The following PAQR8 variants were observed in gnomAD, a reference collection of about 807,000 sequenced individuals.
The protein encoded by PAQR8 is progestin and adipoQ receptor family member 8.
PAQR8 carries 17 observed loss-of-function variants against 25.2 expected under a neutral mutation model. The ratio of observed to expected loss-of-function variants is 0.67; its 90% CI spans 0.46 to 1.01. PAQR8 has a LOEUF of 1.01. Ranked by LOEUF, PAQR8 falls within the 50% of genes least tolerant of loss-of-function variation. The probability of loss-of-function intolerance (pLI) is 0.00; values close to 1 mark genes in which losing one functional copy is unlikely to be tolerated. For synonymous variants in PAQR8, 204 were observed against 190.6 expected, an observed-to-expected ratio of 1.07 and a Z score of -0.58; for missense variants, 392 against 448.4, an observed-to-expected ratio of 0.87 and a Z score of 1.14.
Position 52,404,105 on chromosome 6 carries a change from G to T in PAQR8, c.892G>T (p.Glu298Ter). 1 of 1,614,216 alleles carries T rather than the reference G, an allele frequency of 6.2e-7. No individual in the cohort carries two copies. The highest frequency in any genetic ancestry group is 8.5e-7 in the Non-Finnish European group (1 of 1,180,042). The stretch of plus-strand genomic sequence containing the variant: ...GTCCATCTGTACGCTCTCCCAGCTG[G>T]AGGCCATCCTCCTGGACTACCAGGG... ...FLSICTLSQL[E>*]AILLDYQGRQ... is the part of the protein sequence containing the mutation. The change falls in exon 2 of 2, where the codon GAG (glutamate) becomes TAG (stop). Residue 298 changes from glutamate (E) to a stop codon, truncating the protein, a stop_gained. Coordinates refer to ENST00000442253, the MANE Select transcript of PAQR8 (RefSeq NM_133367.5). LOFTEE classifies it high-confidence loss of function.
At chr6:52,364,083 G>GTTTTGTTTT (rs764044236) in intron 1 of PAQR8, among the ~76,000 whole-genome samples, 2 of 84,266 alleles carry the variant, frequency 2.4e-5, no homozygotes. Context: ...TGAAAGATAT[G>GTTTTGTTTT]TTTTTTTTTT....
At chr6:52,385,366 T>C (rs1162832132) in intron 1 of PAQR8, among the ~76,000 whole-genome samples, 1 of 152,330 alleles carries the variant, frequency 6.6e-6, no homozygotes, top group African/African-American at 2.4e-5. Flanking sequence ...CTCTTTACTT[T>C]ATAAATTACC....
chr6:52,378,456 C>G (rs777503451), intron 1 of PAQR8, among the ~76,000 whole-genome samples: 9 of 152,192 alleles, frequency 5.9e-5, no homozygotes, highest in Non-Finnish European at 1.2e-4. Context: ...ATACCCCATT[C>G]CAGATATAAC....
intron 1 of PAQR8, among the ~76,000 whole-genome samples, chr6:52,370,139 A>G (rs1049057950): frequency 1.3e-5 from 2 of 152,010 alleles, no homozygotes; most frequent in Non-Finnish European, 2.9e-5. Flanking sequence ...TATCTCTGGA[A>G]CTATTGCCAC....
intron 1 of PAQR8, among the ~76,000 whole-genome samples, chr6:52,367,569 G>T (rs1166348688): frequency 6.6e-6 from 1 of 152,194 alleles, no homozygotes; most frequent in African/African-American, 2.4e-5. Context: ...AAGAATTCAG[G>T]TTTCTTGTTT....
rs1333960039 is a variant in PAQR8 at position 52,407,325 on chromosome 6, C to T, written c.*3047C>T. 3.0e-5 allele frequency: 5 copies of T among 167,066 alleles called. No homozygotes were observed. Among genetic ancestry groups the T allele is most frequent in the African/African-American group, 9.7e-5 (4 of 41,440 alleles). The allele number at this position is 167,066 out of a possible 1,614,324, so 10.3% of individuals were successfully genotyped here. ...CCTGCTTCTCTCTTGCCTAATTCTTCCTGACCTGTATTTACTGATGCTTAA... is the reference window on the plus strand; with the variant it reads ...CCTGCTTCTCTCTTGCCTAATTCTTTCTGACCTGTATTTACTGATGCTTAA... On this transcript the variant is annotated 3_prime_UTR_variant, in exon 2 of 2. Coordinates refer to ENST00000442253, the MANE Select transcript of PAQR8 (RefSeq NM_133367.5).
chr6:52,396,968 G>A (rs942950892), intron 1 of PAQR8, among the ~76,000 whole-genome samples: 2 of 152,166 alleles, frequency 1.3e-5, no homozygotes, highest in African/African-American at 4.8e-5. Context: ...AAGGGCCTGG[G>A]AGAAGTACCT....
At chr6:52,379,076 G>A (rs1199497326) in intron 1 of PAQR8, among the ~76,000 whole-genome samples, 1 of 121,226 alleles carries the variant, frequency 8.2e-6, no homozygotes, top group Non-Finnish European at 1.6e-5. Flanking sequence ...CAGCCTGAGT[G>A]ACAAAGCAAT....
Position 52,362,884 on chromosome 6 carries a change from G to A in PAQR8, c.-53+635G>A, listed in dbSNP as rs1029030541. On this transcript the variant is annotated intron_variant, in intron 1 of 1. Coordinates refer to ENST00000442253, the MANE Select transcript of PAQR8 (RefSeq NM_133367.5). This position sits in a 1 kb window ranked among gnomAD's most constrained non-coding sequence, Gnocchi z 4.1. The stretch of plus-strand genomic sequence containing the variant: ...GGAAAGATGGAGGGGGCTTCTCTGA[G>A]AGGGTGGGCGCGAGGAGCGGAGTTG... Among the ~76,000 whole-genome samples the A allele has an allele frequency of 6.6e-6, 1 of 152,172 alleles. No individual in the cohort carries two copies. The highest frequency in any genetic ancestry group is 2.4e-5 in the African/African-American group (1 of 41,436).
chr6:52,382,289 G>T (rs1763570471), intron 1 of PAQR8, among the ~76,000 whole-genome samples: 1 of 152,208 alleles, frequency 6.6e-6, no homozygotes, highest in African/African-American at 2.4e-5. Flanking sequence ...GACAGATAAG[G>T]TTTTCTGACA....
chr6:52,366,774 A>G (rs1349823155), intron 1 of PAQR8, among the ~76,000 whole-genome samples: 4 of 151,584 alleles, frequency 2.6e-5, no homozygotes, highest in African/African-American at 9.7e-5. Context: ...TTTTGAGATG[A>G]AGTCTCCCTC....
intron 1 of PAQR8, among the ~76,000 whole-genome samples, chr6:52,366,203 G>A (rs1763349973): frequency 6.6e-6 from 1 of 151,994 alleles, no homozygotes; most frequent in African/African-American, 2.4e-5. Context: ...AGATGGGAAA[G>A]TTTCATCTTA....
At chr6:52,375,271 C>A (rs546312382) in intron 1 of PAQR8, among the ~76,000 whole-genome samples, 1 of 152,216 alleles carries the variant, frequency 6.6e-6, no homozygotes, top group South Asian at 2.1e-4. Flanking sequence ...TGCTGCTCAA[C>A]ACGTGATTTC....
chr6:52,406,406 C>T lies in PAQR8; in HGVS notation c.*2128C>T, dbSNP rs4715300. The T allele has an allele frequency of 0.086, 35,395 of 412,752 alleles. 2,816 individuals carry two copies. The highest frequency in any genetic ancestry group is 0.27 in the Admixed American group (6,131 of 22,698). 25.6% of individuals were successfully genotyped at this position (412,752 alleles called of 1,614,324 possible). On this transcript the variant is annotated 3_prime_UTR_variant, in exon 2 of 2. Transcript: ENST00000442253. ...CCACGTATTTTTTAAAAGAGAGAAC[C>T]GGAGGTAGAGCAATGATCAGATGGG...
intron 1 of PAQR8, among the ~76,000 whole-genome samples, chr6:52,381,979 C>T (rs1458421144): frequency 6.6e-6 from 1 of 152,070 alleles, no homozygotes; most frequent in East Asian, 1.9e-4. Flanking sequence ...ATAATGATAG[C>T]AGTACTTGGT....
intron 1 of PAQR8, among the ~76,000 whole-genome samples, chr6:52,387,428 C>T (rs905450572): frequency 2.6e-5 from 4 of 152,240 alleles, no homozygotes; most frequent in African/African-American, 9.6e-5. Context: ...TGGTTTAGGG[C>T]TTTGAATAGG....
At chr6:52,367,509 CTG>C (rs1763367585) in intron 1 of PAQR8, among the ~76,000 whole-genome samples, 2 of 152,060 alleles carry the variant, frequency 1.3e-5, no homozygotes, top group Non-Finnish European at 1.5e-5. Flanking sequence ...AATCCAAAGA[CTG>C]TGCTTTAAAC....
chr6:52,403,774 C>G lies in PAQR8; in HGVS notation c.561C>G (p.Gly187=). The G allele has an allele frequency of 6.2e-7, 1 of 1,614,246 alleles. No individual in the cohort carries two copies. Among genetic ancestry groups the G allele is most frequent in the Non-Finnish European group, 8.5e-7 (1 of 1,180,038 alleles). ...TCTTGCCAGCAGCTGCCTTCTGTGG[C>G]TGGTTATCTTGTGCTGGCTGTTGCT... ...LFFLPAAAFC[G]WLSCAGCCYA... The change falls in exon 2 of 2, where the codon GGC becomes GGG. Residue 187 remains glycine, a synonymous_variant. Coordinates refer to ENST00000442253, the MANE Select transcript of PAQR8 (RefSeq NM_133367.5).
At chr6:52,382,072 GA>G (rs1763566939) in intron 1 of PAQR8, among the ~76,000 whole-genome samples, 1 of 152,206 alleles carries the variant, frequency 6.6e-6, no homozygotes, top group Admixed American at 6.5e-5. Flanking sequence ...TCTAAGCAGG[GA>G]GGTACCATAC....
Sources: allele counts gnomAD v4.1 joint callset (sites outside exome capture counted in the v4.1 genomes callset), GRCh38; gene constraint gnomAD v4.1.1; non-coding constraint Gnocchi (gnomAD v3.1); transcripts MANE v1.5; gene names NCBI Gene and HGNC (gene_info 2026-07-23, HGNC 2026-07-21).